The following ZHX3 variants were observed in gnomAD, a reference collection of about 807,000 sequenced individuals.
The protein encoded by ZHX3 is zinc fingers and homeoboxes 3.
In ZHX3, 20 loss-of-function variants were observed where a neutral mutation model predicts 64.5. The observed-to-expected ratio is 0.31, with a 90% CI of 0.22 to 0.45. The LOEUF is 0.45. Among genes scored for constraint, ZHX3 ranks in the 20% least tolerant of loss-of-function variants. The probability of loss-of-function intolerance (pLI) is 1.00; values close to 1 mark genes in which losing one functional copy is unlikely to be tolerated. For missense variants in ZHX3, 1,041 were observed against 1,195.8 expected (o/e 0.87, Z 1.91); for synonymous variants, 423 against 461.6 (o/e 0.92, Z 1.07).
intron 1 of ZHX3, among the ~76,000 whole-genome samples, chr20:41,274,288 G>A (rs1262401220): frequency 6.6e-6 from 1 of 152,186 alleles, no homozygotes; most frequent in Non-Finnish European, 1.5e-5. Context: ...AAGCTTATTT[G>A]TTCACTGATA....
intron 2 of ZHX3, among the ~76,000 whole-genome samples, chr20:41,255,327 A>G (rs1416180345): frequency 6.6e-6 from 1 of 151,736 alleles, no homozygotes; most frequent in Non-Finnish European, 1.5e-5. Flanking sequence ...AATTTTTTGT[A>G]TTTTTAGCAG....
chr20:41,264,281 G>A (rs900124570), intron 2 of ZHX3, among the ~76,000 whole-genome samples: 2 of 149,140 alleles, frequency 1.3e-5, no homozygotes, highest in Admixed American at 1.4e-4. Context: ...GCATTTTGGG[G>A]CAGAAATCCC....
At position 41,207,196 on chromosome 20, in the gene ZHX3, C is replaced by T. The variant is rs563044011; in HGVS notation, c.-150-2130G>A. Among the ~76,000 whole-genome samples, 752 of 152,304 alleles carry T rather than the reference C, an allele frequency of 4.9e-3. 8 individuals carry two copies. The highest frequency in any genetic ancestry group is 0.017 in the African/African-American group (719 of 41,548). ...AACTGGTACCAGCCACTGCAAAAAA[C>T]ATGCCAAATTGTAAAGACCATCAAT... On this transcript the variant is annotated intron_variant, in intron 2 of 3. Transcript: ENST00000683867.
rs2036137139 is a variant in ZHX3, at chr20:41,178,691, G to A, written c.*6500C>T. On this transcript the variant is annotated 3_prime_UTR_variant, in exon 4 of 4. Coordinates refer to ENST00000683867, the MANE Select transcript of ZHX3 (RefSeq NM_001384317.1). ...CCACTCCTGCCTCAGCACGACCACA[G>A]TCCAAACCGAAGTTAAGTTCCATTT... 6.6e-6 allele frequency: 1 copy of A among 152,646 alleles called. No individual in the cohort carries two copies. Among genetic ancestry groups the A allele is most frequent in the Non-Finnish European group, 1.5e-5 (1 of 68,042 alleles). 9.5% of individuals were successfully genotyped at this position (152,646 alleles called of 1,614,324 possible).
intron 2 of ZHX3, among the ~76,000 whole-genome samples, chr20:41,243,449 A>C (rs1169209266): frequency 6.6e-6 from 1 of 152,208 alleles, no homozygotes; most frequent in Non-Finnish European, 1.5e-5. Context: ...ACCACTATGG[A>C]CCAGGTTCTA....
chr20:41,294,998 G>T (rs2146771077), intron 1 of ZHX3, among the ~76,000 whole-genome samples: 1 of 152,274 alleles, frequency 6.6e-6, no homozygotes, highest in South Asian at 2.1e-4. Flanking sequence ...CCTGCGCCCA[G>T]CCCACATTAA....
chr20:41,260,371 T>C (rs1357959841), intron 2 of ZHX3, among the ~76,000 whole-genome samples: 1 of 152,218 alleles, frequency 6.6e-6, no homozygotes, highest in Non-Finnish European at 1.5e-5. Context: ...AAGAGCTTTT[T>C]GTAAGGTAGA....
Position 41,202,577 on chromosome 20 carries a change from C to G in ZHX3, c.2340G>C (p.Arg780=). ...GCCACTGTGTCTGGACAAAGAGCTG[C>G]CGCAGCAAGTGCCGCTGCTGGGCAG... ...KKTAQQRHLL[R]QLFVQTQWPS... The change falls in exon 3 of 4, where the codon CGG becomes CGC. Residue 780 remains arginine, a synonymous_variant. Coordinates refer to ENST00000683867, the MANE Select transcript of ZHX3 (RefSeq NM_001384317.1). This position sits in a 1 kb window ranked among gnomAD's most constrained non-coding sequence, Gnocchi z 7.0. The G allele has an allele frequency of 1.2e-6, 2 of 1,614,040 alleles. No individual in the cohort carries two copies. Among genetic ancestry groups the G allele is most frequent in the Non-Finnish European group, 1.7e-6 (2 of 1,180,042 alleles).
At chr20:41,215,259 AAAAT>A (rs1166620611) in intron 2 of ZHX3, among the ~76,000 whole-genome samples, 1 of 152,174 alleles carries the variant, frequency 6.6e-6, no homozygotes, top group Non-Finnish European at 1.5e-5. Flanking sequence ...TCCGTCTCAA[AAAAT>A]AAATAAATAC....
chr20:41,242,170 G>A (rs1396963466), intron 2 of ZHX3, among the ~76,000 whole-genome samples: 2 of 152,142 alleles, frequency 1.3e-5, no homozygotes, highest in Admixed American at 6.5e-5. Flanking sequence ...ATTATAGGAT[G>A]TCAGGCACTG....
chr20:41,208,832 T>G (rs2038934542), intron 2 of ZHX3, among the ~76,000 whole-genome samples: 1 of 152,226 alleles, frequency 6.6e-6, no homozygotes, highest in South Asian at 2.1e-4. Flanking sequence ...TGTTGGAAGT[T>G]CTGGCCAGGG....
intron 2 of ZHX3, among the ~76,000 whole-genome samples, chr20:41,253,855 C>T (rs1231691534): frequency 1.3e-5 from 2 of 152,086 alleles, no homozygotes; most frequent in African/African-American, 4.8e-5. Context: ...CAGTAAAATA[C>T]TGATGGCTGA....
Position 41,244,364 on chromosome 20 carries a change from T to C in ZHX3, c.-151+24626A>G, listed in dbSNP as rs142794048. Among the ~76,000 whole-genome samples, 548 of 152,282 alleles carry C rather than the reference T, an allele frequency of 3.6e-3. 4 individuals are homozygous for C. Among genetic ancestry groups the C allele is most frequent in the African/African-American group, 0.012 (519 of 41,558 alleles). On this transcript the variant is annotated intron_variant, in intron 2 of 3. Coordinates refer to ENST00000683867, the MANE Select transcript of ZHX3 (RefSeq NM_001384317.1). ...CTCAGCAACTCCCTCAGGTATGGAC[T>C]CTGACTACCTTAAAGCAAACGGAGG...
intron 2 of ZHX3, among the ~76,000 whole-genome samples, chr20:41,236,240 A>T (rs186686221): frequency 2.6e-4 from 39 of 152,320 alleles, no homozygotes; most frequent in Middle Eastern, 3.4e-3. Context: ...CAAGCTACCA[A>T]TGACTTTCTT....
chr20:41,230,224 A>G (rs1404434798), intron 2 of ZHX3, among the ~76,000 whole-genome samples: 1 of 151,946 alleles, frequency 6.6e-6, no homozygotes, highest in East Asian at 1.9e-4. Flanking sequence ...AATGTGGCCC[A>G]TAGGACACTT....
At chr20:41,256,715 G>A (rs947492066) in intron 2 of ZHX3, among the ~76,000 whole-genome samples, 10 of 150,974 alleles carry the variant, frequency 6.6e-5, no homozygotes, top group African/African-American at 2.4e-4. Context: ...ACAGAGCCAG[G>A]TGTACTCAGA....
intron 2 of ZHX3, among the ~76,000 whole-genome samples, chr20:41,206,502 C>T (rs947966431): frequency 4.6e-5 from 7 of 152,044 alleles, no homozygotes; most frequent in South Asian, 2.1e-4. Flanking sequence ...AACTACATGA[C>T]GCATGCACAA....
intron 2 of ZHX3, among the ~76,000 whole-genome samples, chr20:41,230,571 T>G (rs557197583): frequency 6.6e-5 from 10 of 152,318 alleles, no homozygotes; most frequent in African/African-American, 2.2e-4. Flanking sequence ...ACAGACCAGA[T>G]TTCAAAGACT....
In ZHX3 at chr20:41,181,572, G is replaced by A. The variant is rs1401560849; in HGVS notation, c.*3619C>T. 21 of 152,150 alleles carry A rather than the reference G, an allele frequency of 1.4e-4. No homozygotes were observed. Among genetic ancestry groups the A allele is most frequent in the Admixed American group, 1.4e-3 (21 of 15,274 alleles). The allele number at this position is 152,150 out of a possible 1,614,324, so 9.4% of individuals were successfully genotyped here. On this transcript the variant is annotated 3_prime_UTR_variant, in exon 4 of 4. Transcript: ENST00000683867. Reference sequence around the variant, plus strand: ...AGAGACCACGAGGCTCAAGCAGAGAGCATCCACACAGCATCCAACCAGAAA... The same window carrying A: ...AGAGACCACGAGGCTCAAGCAGAGAACATCCACACAGCATCCAACCAGAAA...
Sources: allele counts gnomAD v4.1 joint callset (sites outside exome capture counted in the v4.1 genomes callset), GRCh38; gene constraint gnomAD v4.1.1; non-coding constraint Gnocchi (gnomAD v3.1); transcripts MANE v1.5; gene names NCBI Gene and HGNC (gene_info 2026-07-23, HGNC 2026-07-21).